Variants in ATP6V0A4 observed in about 807,000 individuals in gnomAD.
ATP6V0A4 encodes the protein V-type proton ATPase 116 kDa subunit a 4.
ATP6V0A4 carries 86 observed loss-of-function variants against 107.3 expected under a neutral mutation model. The ratio of observed to expected loss-of-function variants is 0.80; its 90% confidence interval spans 0.67 to 0.96. The LOEUF (loss-of-function observed/expected upper bound fraction) is 0.96. ATP6V0A4 is among the 40% of genes least tolerant of loss of function. The pLI is 0.00. For missense variants in ATP6V0A4, 908 were observed against 1,045.6 expected (o/e 0.87, Z 1.81); for synonymous variants, 353 against 381.4 (o/e 0.93, Z 0.87).
intron 19 of ATP6V0A4, among the ~76,000 whole-genome samples, chr7:138,716,355 G>C (rs1380035430): frequency 6.6e-6 from 1 of 152,104 alleles, no homozygotes; most frequent in East Asian, 1.9e-4. Context: ...GCAAGCTATG[G>C]GTAAAGTTGA....
chr7:138,707,127 T>C (rs1293459056), intron 21 of ATP6V0A4, among the ~76,000 whole-genome samples: 2 of 74,994 alleles, frequency 2.7e-5, no homozygotes, highest in South Asian at 3.7e-4. Context: ...TATATAATAT[T>C]ATATATACAT....
chr7:138,727,176 G>A (rs989879161), intron 18 of ATP6V0A4, among the ~76,000 whole-genome samples: 1 of 151,392 alleles, frequency 6.6e-6, no homozygotes, highest in Non-Finnish European at 1.5e-5. Flanking sequence ...TTACTTGGGA[G>A]GCTGAGGCAA....
chr7:138,711,022 G>C (rs1172754681), intron 20 of ATP6V0A4, among the ~76,000 whole-genome samples: 1 of 152,120 alleles, frequency 6.6e-6, no homozygotes, highest in African/African-American at 2.4e-5. Context: ...GTTCCGAAAA[G>C]TTCAGGGGCA....
At chr7:138,741,374 G>T (rs570366283) in intron 14 of ATP6V0A4, among the ~76,000 whole-genome samples, 6 of 152,200 alleles carry the variant, frequency 3.9e-5, no homozygotes, top group African/African-American at 1.2e-4. Context: ...CATCCTAATG[G>T]CATGACTCAG....
At chr7:138,723,665 A>G (rs1385017899) in intron 18 of ATP6V0A4, among the ~76,000 whole-genome samples, 2 of 151,348 alleles carry the variant, frequency 1.3e-5, no homozygotes. Flanking sequence ...ACCCAGGATT[A>G]TAAGCACCCA....
chr7:138,747,568 C>T lies in ATP6V0A4; in HGVS notation c.1181-4G>A, dbSNP rs189734354. On this transcript the variant is annotated splice_polypyrimidine_tract_variant and splice_region_variant and intron_variant, in intron 12 of 21. Coordinates refer to ENST00000310018, the MANE Select transcript of ATP6V0A4 (RefSeq NM_020632.3). ...AAAGTGATGATGGTGTAGGGGGCTG[C>T]GGAGGGGAGACACACAACGCCTGAG... 9.5e-4 allele frequency: 1,530 copies of T among 1,613,774 alleles called. 17 individuals are homozygous for T. The African/African-American group carries it at 0.017, about 18-fold the overall frequency.
chr7:138,739,804 T>A, intron 14 of ATP6V0A4, 171 bp from the exon 15 acceptor site: 1 of 722,834 alleles, frequency 1.4e-6, no homozygotes, highest in South Asian at 6.2e-5. Context: ...ACACTGAGGC[T>A]ACAATCTGAG....
In ATP6V0A4 at chr7:138,747,569, G is replaced by A. The variant is rs370611085; in HGVS notation, c.1181-5C>T. ...AAGTGATGATGGTGTAGGGGGCTGC[G>A]GAGGGGAGACACACAACGCCTGAGG... On this transcript the variant is annotated splice_polypyrimidine_tract_variant and splice_region_variant and intron_variant, in intron 12 of 21. Coordinates refer to ENST00000310018, the MANE Select transcript of ATP6V0A4 (RefSeq NM_020632.3). 9.3e-6 allele frequency: 15 copies of A among 1,613,722 alleles called. No individual in the cohort carries two copies. The highest frequency in any genetic ancestry group is 4.0e-5 in the African/African-American group (3 of 74,900).
At chr7:138,780,665 T>G (rs1316056522) in intron 2 of ATP6V0A4, among the ~76,000 whole-genome samples, 1 of 152,110 alleles carries the variant, frequency 6.6e-6, no homozygotes, top group African/African-American at 2.4e-5. Flanking sequence ...CATGAGCCCA[T>G]TAGGCAATGT....
intron 5 of ATP6V0A4, among the ~76,000 whole-genome samples, chr7:138,768,091 C>A (rs3778692): frequency 0.11 from 16,743 of 151,988 alleles, 1,161 homozygotes; most frequent in East Asian, 0.37. Flanking sequence ...CTACCACCAC[C>A]CCCGGCTAAT....
intron 2 of ATP6V0A4, among the ~76,000 whole-genome samples, chr7:138,784,247 TATATAC>T (rs1436431329): frequency 6.0e-4 from 20 of 33,186 alleles, no homozygotes; most frequent in African/African-American, 1.9e-3. Context: ...TATATATATA[TATATAC>T]ATATATATAT....
chr7:138,737,115 AAT>A (rs1554394380), intron 15 of ATP6V0A4, among the ~76,000 whole-genome samples: 1 of 86,706 alleles, frequency 1.2e-5, no homozygotes, highest in Non-Finnish European at 2.1e-5. Context: ...AGCCCTTATT[AAT>A]ATATATATAT....
chr7:138,737,943 GT>G (rs1418077763), intron 15 of ATP6V0A4, among the ~76,000 whole-genome samples: 1 of 151,754 alleles, frequency 6.6e-6, no homozygotes, highest in Non-Finnish European at 1.5e-5. Context: ...TGTATTTTTA[GT>G]GGAGACAAGG....
chr7:138,784,542 T>G (rs1242492216), intron 2 of ATP6V0A4, among the ~76,000 whole-genome samples: 1 of 151,676 alleles, frequency 6.6e-6, no homozygotes, highest in East Asian at 1.9e-4. Context: ...GTGGTCTCGA[T>G]CTCCTGACCT....
intron 19 of ATP6V0A4, among the ~76,000 whole-genome samples, chr7:138,721,141 G>A (rs971335839): frequency 1.3e-5 from 2 of 152,166 alleles, no homozygotes; most frequent in Non-Finnish European, 1.5e-5. Flanking sequence ...GATGTGGCAC[G>A]GGCTCCTGAG....
chr7:138,730,044 C>T (rs890790222), intron 17 of ATP6V0A4, among the ~76,000 whole-genome samples: 7 of 152,146 alleles, frequency 4.6e-5, no homozygotes, highest in African/African-American at 1.7e-4. Context: ...CCACCACACC[C>T]GGCTAATTTT....
chr7:138,740,252 T>G (rs1308218886), intron 14 of ATP6V0A4, among the ~76,000 whole-genome samples: 1 of 151,950 alleles, frequency 6.6e-6, no homozygotes, highest in East Asian at 1.9e-4. Context: ...GGGACATGCT[T>G]GGGAAGTCTC....
At chr7:138,746,053 T>TATTTATAATATA (rs1805939331) in intron 13 of ATP6V0A4, among the ~76,000 whole-genome samples, 2 of 143,048 alleles carry the variant, frequency 1.4e-5, no homozygotes, top group Non-Finnish European at 3.0e-5. Flanking sequence ...ATTATATATA[T>TATTTATAATATA]ATGCATGCCT....
In ATP6V0A4 at chr7:138,733,029, G is replaced by A. The variant is rs201101333; in HGVS notation, c.1756C>T (p.Leu586=). The change falls in exon 17 of 22, where the codon CTG becomes TTG. Residue 586 remains leucine, a synonymous_variant. Coordinates refer to ENST00000310018, the MANE Select transcript of ATP6V0A4 (RefSeq NM_020632.3). ...ATCATGAAAACCAGGTATCCAAACA[G>A]ACACAGGATAAAAATCATCTCAGGG... ...FIPEMIFILC[L]FGYLVFMIIF... The A allele has an allele frequency of 7.4e-6, 12 of 1,614,036 alleles. No homozygotes were observed. In the East Asian group the frequency reaches 2.7e-4, roughly 36 times the overall value.
Sources: allele counts gnomAD v4.1 joint callset (sites outside exome capture counted in the v4.1 genomes callset), GRCh38; gene constraint gnomAD v4.1.1; transcripts MANE v1.5; gene names NCBI Gene and HGNC (gene_info 2026-07-23, HGNC 2026-07-21).